The following SAMD5 variants were observed in gnomAD, a reference collection of about 807,000 sequenced individuals.
The protein encoded by SAMD5 is sterile alpha motif domain containing 5, also known as sterile alpha motif domain-containing protein 5.
A neutral mutation model predicts 11.3 loss-of-function variants in SAMD5; 13 were observed. The observed-to-expected ratio is 1.15, with a 90% CI of 0.75 to 1.83. SAMD5 has a LOEUF of 1.83. Ranked by LOEUF, SAMD5 falls within the 40% of genes most tolerant of loss-of-function variation. The pLI is 0.00. For missense variants in SAMD5, 255 were observed against 239.1 expected, an observed-to-expected ratio of 1.07 and a Z score of -0.44; for synonymous variants, 129 against 111.3, an observed-to-expected ratio of 1.16 and a Z score of -1.00.
At chr6:147,904,849 TAACTC>T in the SAMD5 span, among the ~76,000 whole-genome samples, 1 of 152,082 alleles carries the variant, frequency 6.6e-6, no homozygotes, top group East Asian at 1.9e-4. Flanking sequence ...CATTAGAACA[TAACTC>T]AAAACTAACA....
chr6:147,846,447 T>A, the SAMD5 span, among the ~76,000 whole-genome samples: 11 of 152,216 alleles, frequency 7.2e-5, no homozygotes, highest in African/African-American at 2.7e-4. Context: ...TACATAGATG[T>A]TAACAATGGG....
At chr6:147,920,672 G>A in the SAMD5 span, among the ~76,000 whole-genome samples, 2 of 152,136 alleles carry the variant, frequency 1.3e-5, no homozygotes, top group African/African-American at 4.8e-5. Flanking sequence ...ATCATCTGGA[G>A]CCATCCATCC....
the SAMD5 span, among the ~76,000 whole-genome samples, chr6:147,816,238 C>G: frequency 7.4e-6 from 1 of 134,728 alleles, no homozygotes; most frequent in Non-Finnish European, 1.5e-5. Context: ...CGAGATTGTG[C>G]CATTGCACTC....
the SAMD5 span, among the ~76,000 whole-genome samples, chr6:147,771,644 G>A: frequency 1.3e-5 from 2 of 152,186 alleles, no homozygotes; most frequent in Admixed American, 6.5e-5. Flanking sequence ...GTTTTGACAG[G>A]CTTCAGTCAA....
At chr6:147,603,795 A>AAAC (rs1554236239) in intron 1 of SAMD5, among the ~76,000 whole-genome samples, 3 of 152,106 alleles carry the variant, frequency 2.0e-5, no homozygotes, top group Admixed American at 1.3e-4. Context: ...AAACAAAAAA[A>AAAC]AACAACAACA....
At chr6:147,599,095 A>T (rs1789578458) in intron 1 of SAMD5, among the ~76,000 whole-genome samples, 1 of 152,228 alleles carries the variant, frequency 6.6e-6, no homozygotes, top group Admixed American at 6.5e-5. Context: ...GAGTTCCAAG[A>T]GGCAAGTGGA....
the SAMD5 span, among the ~76,000 whole-genome samples, chr6:147,795,772 A>T: frequency 6.7e-6 from 1 of 149,352 alleles, no homozygotes; most frequent in South Asian, 2.1e-4. Context: ...CTGGTGTGAG[A>T]TGGTATCTCA....
chr6:147,917,512 G>GT, the SAMD5 span, among the ~76,000 whole-genome samples: 2 of 152,056 alleles, frequency 1.3e-5, no homozygotes. Context: ...TAGGTTGCCT[G>GT]TTCACTCTGA....
chr6:147,868,230 C>A, the SAMD5 span, among the ~76,000 whole-genome samples: 4 of 152,036 alleles, frequency 2.6e-5, no homozygotes, highest in Non-Finnish European at 5.9e-5. Context: ...TAGATGGCTT[C>A]TTGGGTTATA....
At chr6:147,835,005 G>A in the SAMD5 span, among the ~76,000 whole-genome samples, 1 of 152,158 alleles carries the variant, frequency 6.6e-6, no homozygotes, top group East Asian at 1.9e-4. Context: ...GAGGTGGGCT[G>A]ATCACTTGAG....
chr6:147,866,660 C>G, the SAMD5 span, among the ~76,000 whole-genome samples: 6 of 152,158 alleles, frequency 3.9e-5, no homozygotes, highest in African/African-American at 1.4e-4. Context: ...AAATACTTAG[C>G]TCTCTCTTTT....
At chr6:147,856,361 A>G in the SAMD5 span, among the ~76,000 whole-genome samples, 1 of 152,184 alleles carries the variant, frequency 6.6e-6, no homozygotes, top group Admixed American at 6.6e-5. Flanking sequence ...TATGTTCATT[A>G]TCTTAATTGT....
intron 1 of SAMD5, among the ~76,000 whole-genome samples, chr6:147,593,508 T>C (rs1789486262): frequency 6.6e-6 from 1 of 152,176 alleles, no homozygotes; most frequent in South Asian, 2.1e-4. Context: ...TGGTATATTC[T>C]TTATAGCGAA....
At chr6:147,847,581 G>T in the SAMD5 span, among the ~76,000 whole-genome samples, 1 of 152,152 alleles carries the variant, frequency 6.6e-6, no homozygotes, top group East Asian at 1.9e-4. Flanking sequence ...AGCTGGGTGT[G>T]TTGCCTCACG....
At chr6:147,604,793 A>G (rs1159607778) in intron 1 of SAMD5, among the ~76,000 whole-genome samples, 1 of 152,208 alleles carries the variant, frequency 6.6e-6, no homozygotes, top group Non-Finnish European at 1.5e-5. Context: ...CGTCTTCTAG[A>G]ATACCTGCAG....
intron 1 of SAMD5, among the ~76,000 whole-genome samples, chr6:147,558,439 C>A (rs1342447026): frequency 6.6e-6 from 1 of 152,302 alleles, no homozygotes; most frequent in African/African-American, 2.4e-5. Context: ...GTCTTGATCA[C>A]ATTTTGGATG....
At position 147,509,071 on chromosome 6, in the gene SAMD5, C is replaced by T; in HGVS notation, c.143C>T (p.Ala48Val). The change falls in exon 1 of 2, where the codon GCG becomes GTG. Residue 48 changes from alanine (A) to valine (V), a missense_variant. Ala to Val is a moderately conservative substitution (Grantham distance 64, BLOSUM62 0). Coordinates refer to ENST00000367474, the MANE Select transcript of SAMD5 (RefSeq NM_001030060.3). ...DPDLDAIGVL[A>V]PAHRRRILEA... ...GACCTGGATGCCATCGGGGTGCTGG[C>T]GCCCGCGCACCGCCGCCGTATCCTG... 1 of 1,601,834 alleles carries T rather than the reference C, an allele frequency of 6.2e-7. No homozygotes were observed. Among genetic ancestry groups the T allele is most frequent in the Non-Finnish European group, 8.5e-7 (1 of 1,175,364 alleles).
chr6:147,878,579 C>A, the SAMD5 span, among the ~76,000 whole-genome samples: 1 of 144,854 alleles, frequency 6.9e-6, no homozygotes, highest in Admixed American at 7.0e-5. Context: ...AGATATATCT[C>A]TATATAGATA....
chr6:147,797,698 T>C, the SAMD5 span, among the ~76,000 whole-genome samples: 3 of 141,096 alleles, frequency 2.1e-5, no homozygotes, highest in South Asian at 2.4e-4. Context: ...CATCTGGTCC[T>C]GGACTCTTTT....
Sources: allele counts gnomAD v4.1 joint callset (sites outside exome capture counted in the v4.1 genomes callset), GRCh38; gene constraint gnomAD v4.1.1; transcripts MANE v1.5; gene names NCBI Gene and HGNC (gene_info 2026-07-23, HGNC 2026-07-21).